SETD2: variants seen among roughly 807,000 people sequenced by gnomAD.
SETD2 encodes the protein histone-lysine N-methyltransferase SETD2.
SETD2 carries 31 observed loss-of-function variants against 242.1 expected under a neutral mutation model. That is an observed-to-expected ratio of 0.13 (90% CI 0.10 to 0.17). SETD2 has a LOEUF of 0.17. Among genes scored for constraint, SETD2 ranks in the 10% least tolerant of loss-of-function variants. The probability of loss-of-function intolerance (pLI) is 1.00; values close to 1 mark genes in which losing one functional copy is unlikely to be tolerated. For missense variants in SETD2, 2,481 were observed against 3,046.3 expected (o/e 0.81, Z 4.37); for synonymous variants, 1,006 against 1,066.5 (o/e 0.94, Z 1.11).
intron 1 of SETD2, among the ~76,000 whole-genome samples, chr3:47,143,127 T>C (rs546657859): frequency 6.6e-5 from 10 of 152,090 alleles, no homozygotes; most frequent in Non-Finnish European, 1.3e-4. Flanking sequence ...AGCCCATTTC[T>C]ACAAAAAATT....
rs1209559336 is a variant in SETD2, at chr3:47,114,007, G to A, written c.4587-3C>T. The stretch of plus-strand genomic sequence containing the variant: ...CCCCATTTGGACACCGAGAAGAACT[G>A]AAATGAGAAAAGGAGGAAATTTAAT... On this transcript the variant is annotated splice_polypyrimidine_tract_variant and splice_region_variant and intron_variant, in intron 4 of 20. Coordinates refer to ENST00000409792, the MANE Select transcript of SETD2 (RefSeq NM_014159.7). The A allele has an allele frequency of 5.0e-6, 8 of 1,594,140 alleles. No homozygotes were observed. The highest frequency in any genetic ancestry group is 4.5e-5 in the East Asian group (2 of 44,724).
intron 1 of SETD2, among the ~76,000 whole-genome samples, chr3:47,155,953 T>TG (rs1559770754): frequency 1.3e-5 from 2 of 152,174 alleles, no homozygotes; most frequent in Admixed American, 1.3e-4. Flanking sequence ...TAGTTCTTAG[T>TG]GTATTACAAA....
chr3:47,071,371 T>C (rs1052590561), intron 12 of SETD2, among the ~76,000 whole-genome samples: 4 of 152,204 alleles, frequency 2.6e-5, no homozygotes, highest in African/African-American at 9.7e-5. Flanking sequence ...GTCTGGCACA[T>C]AATCAACACT....
At chr3:47,069,702 T>C (rs771187429) in intron 12 of SETD2, among the ~76,000 whole-genome samples, 1 of 152,170 alleles carries the variant, frequency 6.6e-6, no homozygotes, top group Non-Finnish European at 1.5e-5. Context: ...TACATTCCCA[T>C]CTGCTACTAT....
intron 11 of SETD2, among the ~76,000 whole-genome samples, chr3:47,084,901 T>A (rs1244480660): frequency 1.3e-5 from 2 of 151,486 alleles, no homozygotes; most frequent in Non-Finnish European, 2.9e-5. Flanking sequence ...CAGCTTTTTT[T>A]TTTTTTTTTA....
chr3:47,164,117 TCTCA>T, upstream of SETD2: 1 of 1,027,700 alleles, frequency 9.7e-7, no homozygotes, highest in Non-Finnish European at 1.2e-6. This position sits in a 1 kb window ranked among gnomAD's most constrained non-coding sequence, Gnocchi z 5.4. Context: ...GCTCTCTCCC[TCTCA>T]CCCTCACACC....
At chr3:47,111,526 C>T (rs771625668) in intron 5 of SETD2, among the ~76,000 whole-genome samples, 4 of 151,848 alleles carry the variant, frequency 2.6e-5, no homozygotes, top group East Asian at 1.9e-4. Context: ...GCTATGATTG[C>T]GCCAGGATAC....
rs1195379679 is a variant in SETD2, at chr3:47,037,685, T to C, written c.7331A>G (p.Tyr2444Cys). The change falls in exon 18 of 21, where the codon TAT becomes TGT. Residue 2444 changes from tyrosine (Y) to cysteine (C), a missense_variant. By Grantham distance (194) the Tyr-to-Cys change is radical (BLOSUM62 -2). Coordinates refer to ENST00000409792, the MANE Select transcript of SETD2 (RefSeq NM_014159.7). ...ACTCACCTTCATGGGGTTTTCATCA[T>C]ATGTTGGAGTTCCCAGGTCCATCTC... is the stretch of plus-strand genomic sequence containing the variant. ...EAEMDLGTPT[Y>C]DENPMKASKK... 1.9e-6 allele frequency: 3 copies of C among 1,613,390 alleles called. No individual in the cohort carries two copies. The highest frequency in any genetic ancestry group is 1.3e-5 in the African/African-American group (1 of 74,906).
chr3:47,120,592 A>C lies in SETD2; in HGVS notation c.4044T>G (p.His1348Gln), dbSNP rs2107743367. The C allele has an allele frequency of 6.2e-7, 1 of 1,614,060 alleles. No individual in the cohort carries two copies. Among genetic ancestry groups the C allele is most frequent in the East Asian group, 2.2e-5 (1 of 44,882 alleles). ...GAAATTTATCGGACTGGTCTGAAAA[A>C]TGGGATCCATCCTGTTGATCCCAAT... ...EENWDQQDGS[H>Q]FSDQSDKFLL... is the part of the protein sequence containing the mutation. Residue 1348 changes from histidine (H) to glutamine (Q), a missense_variant, in exon 3 of 21, where the codon CAT (histidine) becomes CAG (glutamine). Around this residue, in one of 17 missense-constraint regions of SETD2, gnomAD observed 1,300 missense variants for 1,259.2 expected, o/e 1.03. Transcript: ENST00000409792.
chr3:47,018,010 G>A (rs1294678073), intron 19 of SETD2, among the ~76,000 whole-genome samples: 2 of 152,178 alleles, frequency 1.3e-5, no homozygotes, highest in Non-Finnish European at 2.9e-5. Context: ...TGACTTCAAT[G>A]CTGAGTCCTT....
In SETD2 at chr3:47,123,734, C is replaced by A. The variant is rs2043204696; in HGVS notation, c.902G>T (p.Ser301Ile). Reference protein sequence around the residue: ...EIPDSSKISLSCKKTGSKKKS... With the variant: ...EIPDSSKISLICKKTGSKKKS... ...CTTCTTAGAACCTGTTTTTTTACAGCTCAGACTAATCTTAGAACTATCTGG... is the reference window on the plus strand; with the variant it reads ...CTTCTTAGAACCTGTTTTTTTACAGATCAGACTAATCTTAGAACTATCTGG... Residue 301 changes from serine (S) to isoleucine (I), a missense_variant, in exon 3 of 21, where the codon AGC becomes ATC. Ser to Ile is a moderately radical substitution (Grantham distance 142). Transcript: ENST00000409792. The A allele has an allele frequency of 6.4e-7, 1 of 1,551,020 alleles. No homozygotes were observed.
chr3:47,152,860 C>T (rs376716291), intron 1 of SETD2, among the ~76,000 whole-genome samples: 1 of 152,208 alleles, frequency 6.6e-6, no homozygotes, highest in African/African-American at 2.4e-5. Context: ...TATCAACACC[C>T]ACATCATCCC....
intron 1 of SETD2, among the ~76,000 whole-genome samples, chr3:47,145,776 G>A (rs1372172012): frequency 1.3e-5 from 2 of 152,114 alleles, no homozygotes; most frequent in East Asian, 3.8e-4. Context: ...AGCACTTTGG[G>A]AGGCCCCCAA....
chr3:47,031,108 T>C (rs935976976), intron 18 of SETD2, among the ~76,000 whole-genome samples: 1 of 152,166 alleles, frequency 6.6e-6, no homozygotes, highest in African/African-American at 2.4e-5. Context: ...AGAGAAGGCA[T>C]GATGAGTAAG....
chr3:47,041,208 AC>A (rs2039262627), intron 17 of SETD2, among the ~76,000 whole-genome samples: 1 of 152,180 alleles, frequency 6.6e-6, no homozygotes, highest in Non-Finnish European at 1.5e-5. Flanking sequence ...TATCACAACT[AC>A]TCTGTCATTG....
At chr3:47,067,042 T>C (rs1216702134) in intron 13 of SETD2, 28 bp downstream of exon 13, 8 of 1,568,232 alleles carry the variant, frequency 5.1e-6, no homozygotes, top group Non-Finnish European at 7.0e-6. Flanking sequence ...TGTAAAGCCA[T>C]CAACACAGAG....
intron 1 of SETD2, among the ~76,000 whole-genome samples, chr3:47,138,040 C>T (rs1271368197): frequency 1.3e-5 from 2 of 150,954 alleles, no homozygotes; most frequent in African/African-American, 2.4e-5. Context: ...GGCGCGATCT[C>T]GGCTCACTGC....
In SETD2 at chr3:47,120,996, T is replaced by A. The variant is rs201177499; in HGVS notation, c.3640A>T (p.Asn1214Tyr). The change falls in exon 3 of 21, where the codon AAT (asparagine) becomes TAT (tyrosine). Residue 1214 changes from asparagine (N) to tyrosine (Y), a missense_variant. Asn to Tyr is a moderately radical substitution (Grantham distance 143). Coordinates refer to ENST00000409792, the MANE Select transcript of SETD2 (RefSeq NM_014159.7). ...AAAGTGGTCTGTTGCCAAGACTTAT[T>A]TGGGACATCTTCAAAATCAGAAGAA... ...IYSSDFEDVP[N>Y]KSWQQTTFQN... 5 of 1,614,216 alleles carry A rather than the reference T, an allele frequency of 3.1e-6. No individual in the cohort carries two copies. The East Asian group carries it at 8.9e-5, about 29-fold the overall frequency.
Position 47,122,944 on chromosome 3 carries a change from G to A in SETD2, c.1692C>T (p.Pro564=). 6.2e-7 allele frequency: 1 copy of A among 1,613,154 alleles called. No homozygotes were observed. Among genetic ancestry groups the A allele is most frequent in the Non-Finnish European group, 8.5e-7 (1 of 1,179,556 alleles). The change falls in exon 3 of 21, where the codon CCC becomes CCT. Residue 564 remains proline, a synonymous_variant. Coordinates refer to ENST00000409792, the MANE Select transcript of SETD2 (RefSeq NM_014159.7). The part of the protein sequence containing the change: ...RYKSTLSKPI[P]KSDKFKNSFC... ...AAGAATTTTTAAATTTATCAGACTT[G>A]GGTATAGGTTTTGAAAGGGTAGATT...
Sources: gnomAD v4.1 joint callset for allele counts (sites outside exome capture counted in the v4.1 genomes callset) on GRCh38, gnomAD v4.1.1 for gene constraint, gnomAD v4.1.1 regional missense constraint, Gnocchi (gnomAD v3.1) non-coding constraint, MANE v1.5 for transcripts, NCBI Gene and HGNC (gene_info 2026-07-23, HGNC 2026-07-21) for gene names.